Variants in BRAF observed in about 807,000 individuals in gnomAD.
BRAF encodes the protein B-Raf proto-oncogene, serine/threonine kinase.
A neutral mutation model predicts 104.6 loss-of-function variants in BRAF; 16 were observed. That is an observed-to-expected ratio of 0.15 (90% CI 0.10 to 0.23). The LOEUF (loss-of-function observed/expected upper bound fraction) is 0.23. BRAF is among the 10% of genes least tolerant of loss of function. BRAF has a pLI of 1.00. For missense variants in BRAF, 541 were observed against 937.3 expected (o/e 0.58, Z 5.52); for synonymous variants, 310 against 341.6 (o/e 0.91, Z 1.02).
chr7:140,739,506 C>A, intron 18 of BRAF, among the ~76,000 whole-genome samples: 2 of 118,116 alleles, frequency 1.7e-5, no homozygotes. Context: ...CTTATATAAA[C>A]AAAAGCTCTT....
chr7:140,914,157 C>T (rs1019344261), intron 1 of BRAF, among the ~76,000 whole-genome samples: 2 of 152,170 alleles, frequency 1.3e-5, no homozygotes, highest in African/African-American at 4.8e-5. Context: ...CAACAGAAAA[C>T]ACTACTATAA....
chr7:140,886,676 T>G (rs1398825440), intron 1 of BRAF, among the ~76,000 whole-genome samples: 2 of 152,180 alleles, frequency 1.3e-5, no homozygotes, highest in Non-Finnish European at 2.9e-5. Flanking sequence ...TCATCACCCT[T>G]CTTCCCAATC....
At chr7:140,751,353 C>G (rs1018761154) in intron 16 of BRAF, among the ~76,000 whole-genome samples, 2 of 152,122 alleles carry the variant, frequency 1.3e-5, no homozygotes, top group Non-Finnish European at 2.9e-5. Context: ...TTAGGTTTTG[C>G]AATTTCAGCA....
At chr7:140,758,613 C>T (rs868730176) in intron 14 of BRAF, among the ~76,000 whole-genome samples, 1 of 152,094 alleles carries the variant, frequency 6.6e-6, no homozygotes, top group East Asian at 1.9e-4. Flanking sequence ...CGCCACCATG[C>T]CTGGATAATT....
chr7:140,792,847 A>G (rs1315043701), intron 8 of BRAF, among the ~76,000 whole-genome samples: 1 of 152,226 alleles, frequency 6.6e-6, no homozygotes, highest in Non-Finnish European at 1.5e-5. Context: ...TAAAAATGCT[A>G]AAGAGTTTGC....
chr7:140,823,604 A>G (rs1805704102), intron 3 of BRAF: 1 of 152,276 alleles, frequency 6.6e-6, no homozygotes, highest in Non-Finnish European at 1.5e-5. Flanking sequence ...TATAGTGAAT[A>G]ATGCTGCTAT....
chr7:140,788,068 T>C (rs1317657210), intron 8 of BRAF, among the ~76,000 whole-genome samples: 1 of 152,172 alleles, frequency 6.6e-6, no homozygotes, highest in Non-Finnish European at 1.5e-5. Context: ...GGATAATCTG[T>C]GTGGCAAACC....
chr7:140,912,828 G>T (rs545570815), intron 1 of BRAF, among the ~76,000 whole-genome samples: 3 of 152,130 alleles, frequency 2.0e-5, no homozygotes, highest in African/African-American at 7.2e-5. Flanking sequence ...GATTACAGGC[G>T]TGAGCCACCA....
rs1162219815 is a variant in BRAF at position 140,744,733 on chromosome 7, T to G, written c.2112+4554A>C. ...TGTATTTATCCACAGATACATACAT[T>G]AATTGAAGGGAAAAGAAAAGCCCCA... On this transcript the variant is annotated intron_variant, in intron 17 of 19. Transcript: ENST00000644969. Among the ~76,000 whole-genome samples, 16 of 152,304 alleles carry G rather than the reference T, an allele frequency of 1.1e-4. 1 individual carries two copies. The East Asian group carries it at 3.1e-3, about 29-fold the overall frequency.
intron 1 of BRAF, among the ~76,000 whole-genome samples, chr7:140,882,538 C>A (rs950682502): frequency 7.9e-5 from 12 of 151,920 alleles, no homozygotes; most frequent in Non-Finnish European, 1.3e-4. Context: ...CCACCACACC[C>A]AGCTAATTTT....
intron 1 of BRAF, among the ~76,000 whole-genome samples, chr7:140,856,184 G>T (rs1809758837): frequency 6.6e-6 from 1 of 151,020 alleles, no homozygotes. Flanking sequence ...ATACTTAATA[G>T]GTCAAAGGGG....
At chr7:140,789,815 T>C (rs955803924) in intron 8 of BRAF, among the ~76,000 whole-genome samples, 2 of 152,138 alleles carry the variant, frequency 1.3e-5, no homozygotes, top group African/African-American at 4.8e-5. Flanking sequence ...ACTGCAACCT[T>C]CGCCTCCTGG....
rs757029878 is a variant in BRAF, at chr7:140,739,765, T to C, written c.2247+47A>G. On this transcript the variant is annotated intron_variant, in intron 18 of 19. Transcript: ENST00000644969. ...CCAAAAAAGTGCTCAGAAATCTGTC[T>C]ATGAATGTTAGTCTGTTCTTTTGGA... The C allele has an allele frequency of 1.9e-6, 3 of 1,608,624 alleles. No homozygotes were observed. In the South Asian group the frequency reaches 3.3e-5, roughly 18 times the overall value.
intron 1 of BRAF, among the ~76,000 whole-genome samples, chr7:140,872,735 T>C (rs912397152): frequency 6.6e-6 from 1 of 151,974 alleles, no homozygotes; most frequent in Non-Finnish European, 1.5e-5. Context: ...TGGTGGCATG[T>C]GTCTGTAGTT....
At chr7:140,765,385 A>G (rs1421152560) in intron 14 of BRAF, among the ~76,000 whole-genome samples, 5 of 152,196 alleles carry the variant, frequency 3.3e-5, no homozygotes, top group Non-Finnish European at 5.9e-5. Flanking sequence ...GGACATAGGC[A>G]TGGGCAAGGA....
chr7:140,747,024 A>G (rs1035854946), intron 17 of BRAF, among the ~76,000 whole-genome samples: 33 of 152,234 alleles, frequency 2.2e-4, no homozygotes, highest in Admixed American at 4.6e-4. Context: ...ATTGCATAGT[A>G]AAGAATATTC....
At position 140,801,560 on chromosome 7, in the gene BRAF, C is replaced by T. The variant is rs373935661; in HGVS notation, c.712G>A (p.Val238Ile). The T allele has an allele frequency of 6.2e-7, 1 of 1,610,970 alleles. No individual in the cohort carries two copies. Among genetic ancestry groups the T allele is most frequent in the African/African-American group, 1.3e-5 (1 of 74,716 alleles). The change falls in exon 6 of 20, where the codon GTA (valine) becomes ATA (isoleucine). Residue 238 changes from valine (V) to isoleucine (I), a missense_variant and splice_region_variant. Physicochemically the swap from Val to Ile is conservative, Grantham distance 29. Around this residue, in one of 10 missense-constraint regions of BRAF, gnomAD observed 2 missense variants for 40.4 expected, o/e 0.05. Transcript: ENST00000644969. ...ENVPLTTHNF[V>I]RKTFFTLAFC... ...GCTAAGGTGAAAAACGTTTTTCGTA[C>T]CTGCAAAGTAAAAAATCACAGAGAT...
At chr7:140,883,953 A>G (rs1295471697) in intron 1 of BRAF, 1 of 152,214 alleles carries the variant, frequency 6.6e-6, no homozygotes, top group Non-Finnish European at 1.5e-5. Flanking sequence ...AGGAATTTGA[A>G]TCCAGATCTA....
At position 140,827,082 on chromosome 7, in the gene BRAF, CCT is replaced by C. The variant is rs551720281; in HGVS notation, c.504+7525_504+7526del. Among the ~76,000 whole-genome samples, 497 of 152,238 alleles carry C rather than the reference CCT, an allele frequency of 3.3e-3. 3 individuals carry two copies. The highest frequency in any genetic ancestry group is 0.011 in the African/African-American group (474 of 41,544). ...TGGTGCTTACCTTTTTCCTCTATCC[CCT>C]GTGTTTCTTATAAAATAGAAGGTCC... On this transcript the variant is annotated intron_variant, in intron 3 of 19. Transcript: ENST00000644969.
Sources: allele counts gnomAD v4.1 joint callset (sites outside exome capture counted in the v4.1 genomes callset), GRCh38; gene constraint gnomAD v4.1.1; regional missense constraint gnomAD v4.1.1; transcripts MANE v1.5; gene names NCBI Gene and HGNC (gene_info 2026-07-23, HGNC 2026-07-21).